The following VEPH1 variants were observed in gnomAD, a reference collection of about 807,000 sequenced individuals.
VEPH1 encodes the protein ventricular zone-expressed PH domain-containing protein homolog 1.
In VEPH1, 80 loss-of-function variants were observed where a neutral mutation model predicts 85.2. The ratio of observed to expected loss-of-function variants is 0.94; its 90% confidence interval spans 0.78 to 1.13. VEPH1 has a LOEUF of 1.13. Among genes scored for constraint, VEPH1 ranks in the 50% most tolerant of loss-of-function variants. The pLI is 0.00. For missense variants in VEPH1, 955 were observed against 980.5 expected (o/e 0.97, Z 0.35); for synonymous variants, 297 against 348.0 (o/e 0.85, Z 1.63).
chr3:157,284,285 G>A (rs56375731), intron 12 of VEPH1, among the ~76,000 whole-genome samples: 35,463 of 151,880 alleles, frequency 0.23, 4,280 homozygotes, highest in Non-Finnish European at 0.27. Context: ...AGATTTTTTC[G>A]AATACACCTT....
At chr3:157,402,338 G>A (rs1730845024) in intron 6 of VEPH1, among the ~76,000 whole-genome samples, 1 of 152,204 alleles carries the variant, frequency 6.6e-6, no homozygotes, top group African/African-American at 2.4e-5. Context: ...CATGGAGAAG[G>A]TGGGCTCTGG....
intron 7 of VEPH1, among the ~76,000 whole-genome samples, chr3:157,379,633 A>G (rs895393784): frequency 6.6e-6 from 1 of 152,172 alleles, no homozygotes; most frequent in Non-Finnish European, 1.5e-5. Flanking sequence ...CTAAATGCTC[A>G]CTACTCTATC....
intron 12 of VEPH1, among the ~76,000 whole-genome samples, chr3:157,282,703 A>T (rs926930704): frequency 1.3e-5 from 2 of 152,196 alleles, no homozygotes; most frequent in Non-Finnish European, 2.9e-5. Context: ...AGGAAGCCAG[A>T]TGTGTTCTAG....
At chr3:157,491,041 T>G (rs1365229337) in intron 2 of VEPH1, among the ~76,000 whole-genome samples, 2 of 152,082 alleles carry the variant, frequency 1.3e-5, no homozygotes, top group Non-Finnish European at 2.9e-5. Context: ...AAATACAAAA[T>G]ACTATGCTGT....
chr3:157,330,116 T>C (rs1048415194), intron 9 of VEPH1, among the ~76,000 whole-genome samples: 1 of 152,210 alleles, frequency 6.6e-6, no homozygotes, highest in Non-Finnish European at 1.5e-5. Context: ...TTCTTTCAAG[T>C]CTTTAGATCC....
chr3:157,500,503 T>C (rs1464485273), intron 1 of VEPH1, among the ~76,000 whole-genome samples: 1 of 152,226 alleles, frequency 6.6e-6, no homozygotes, highest in Non-Finnish European at 1.5e-5. Context: ...TGATCAATCA[T>C]ATTTTTATGC....
Position 157,364,309 on chromosome 3 carries a change from A to C in VEPH1, c.1331T>G (p.Phe444Cys). The change falls in exon 8 of 14, where the codon TTT becomes TGT. Residue 444 changes from phenylalanine to cysteine, a missense_variant. Phe to Cys is a radical substitution (Grantham distance 205). Coordinates refer to ENST00000362010, the MANE Select transcript of VEPH1 (RefSeq NM_001167912.2). ...VSKEERKNIR[F>C]NRSKSLAFHT... ...CAAACCAAACGAGTTATACCTGTTA[A>C]ATCTAATGTTTTTTCTTTCTTCTTT... is the stretch of plus-strand genomic sequence containing the variant. 6.2e-7 allele frequency: 1 copy of C among 1,608,464 alleles called. No homozygotes were observed. Among genetic ancestry groups the C allele is most frequent in the Non-Finnish European group, 8.5e-7 (1 of 1,176,788 alleles).
At chr3:157,393,085 G>A (rs1318197865) in intron 6 of VEPH1, among the ~76,000 whole-genome samples, 2 of 152,176 alleles carry the variant, frequency 1.3e-5, no homozygotes. Context: ...TCCTTAACCA[G>A]ACATTGTTGT....
chr3:157,467,904 T>C (rs1202218933), intron 3 of VEPH1, among the ~76,000 whole-genome samples: 1 of 152,240 alleles, frequency 6.6e-6, no homozygotes, highest in Non-Finnish European at 1.5e-5. Context: ...TGATCATCAA[T>C]GAGTTGAGCA....
intron 12 of VEPH1, among the ~76,000 whole-genome samples, chr3:157,273,152 T>C (rs2108298547): frequency 6.6e-6 from 1 of 152,360 alleles, no homozygotes; most frequent in South Asian, 2.1e-4. Flanking sequence ...TTAGCATTCA[T>C]GTTATTCTTG....
At chr3:157,449,405 T>C (rs1362277220) in intron 4 of VEPH1, among the ~76,000 whole-genome samples, 4 of 152,202 alleles carry the variant, frequency 2.6e-5, no homozygotes, top group Non-Finnish European at 4.4e-5. Flanking sequence ...TGGACAATTG[T>C]CTCAAAACCA....
At chr3:157,285,547 GA>G (rs1351826879) in intron 12 of VEPH1, among the ~76,000 whole-genome samples, 1 of 152,204 alleles carries the variant, frequency 6.6e-6, no homozygotes, top group Non-Finnish European at 1.5e-5. Flanking sequence ...TGGCTGCCTA[GA>G]AGATGGCTCA....
chr3:157,273,769 CCT>C (rs1404323291), intron 12 of VEPH1, among the ~76,000 whole-genome samples: 1 of 152,142 alleles, frequency 6.6e-6, no homozygotes, highest in African/African-American at 2.4e-5. Context: ...TAGTCATAGA[CCT>C]CTTTTATTTC....
At chr3:157,366,527 G>A (rs940752211) in intron 7 of VEPH1, among the ~76,000 whole-genome samples, 7 of 152,062 alleles carry the variant, frequency 4.6e-5, no homozygotes, top group Admixed American at 1.3e-4. Flanking sequence ...TTGAGGTCAG[G>A]AGTTTGAGAC....
chr3:157,386,248 C>CATAA (rs1377034759), intron 6 of VEPH1, among the ~76,000 whole-genome samples: 1 of 11,906 alleles, frequency 8.4e-5, no homozygotes, highest in Non-Finnish European at 1.5e-4. Context: ...AAAATGGTTC[C>CATAA]ACAAAAAAAA....
intron 6 of VEPH1, among the ~76,000 whole-genome samples, chr3:157,386,309 GT>G (rs146176388): frequency 5.0e-5 from 7 of 139,914 alleles, no homozygotes; most frequent in South Asian, 2.3e-4. Context: ...ATAACACAAG[GT>G]TTTTTTTTCT....
intron 6 of VEPH1, 154 bp from the exon 7 acceptor site, chr3:157,381,530 C>A (rs1014801862): frequency 1.5e-6 from 1 of 685,182 alleles, no homozygotes; most frequent in African/African-American, 1.8e-5. Flanking sequence ...CCAGCCTGGG[C>A]AACATGGTAA....
intron 4 of VEPH1, among the ~76,000 whole-genome samples, chr3:157,448,754 C>T (rs995932120): frequency 9.9e-5 from 15 of 152,166 alleles, no homozygotes; most frequent in African/African-American, 3.6e-4. Flanking sequence ...TCACATTTTA[C>T]CCCTGATATA....
chr3:157,503,055 CA>C (rs1172650353), intron 1 of VEPH1, among the ~76,000 whole-genome samples: 3 of 152,100 alleles, frequency 2.0e-5, no homozygotes, highest in Non-Finnish European at 2.9e-5. Context: ...TTTAATAACC[CA>C]CAGAGAAGTG....
Sources: gnomAD v4.1 joint callset for allele counts (sites outside exome capture counted in the v4.1 genomes callset) on GRCh38, gnomAD v4.1.1 for gene constraint, MANE v1.5 for transcripts, NCBI Gene and HGNC (gene_info 2026-07-23, HGNC 2026-07-21) for gene names.